Variants in RNGTT observed in about 807,000 individuals in gnomAD.
The protein encoded by RNGTT is RNA guanylyltransferase and 5'-phosphatase.
Under a neutral mutation model 79.3 loss-of-function variants are expected in RNGTT, and 33 were observed. The observed-to-expected ratio is 0.42, with a 90% confidence interval of 0.32 to 0.56. The LOEUF (loss-of-function observed/expected upper bound fraction) is 0.56, where lower values mean the gene tolerates loss of function less well. Ranked by LOEUF, RNGTT falls within the 20% of genes least tolerant of loss-of-function variation. The pLI is 0.17. For synonymous variants in RNGTT, 222 were observed against 235.9 expected (o/e 0.94, Z 0.54); for missense variants, 497 against 739.1 (o/e 0.67, Z 3.80).
intron 14 of RNGTT, among the ~76,000 whole-genome samples, chr6:88,658,023 C>T (rs1387243261): frequency 6.6e-6 from 1 of 152,098 alleles, no homozygotes; most frequent in Non-Finnish European, 1.5e-5. Flanking sequence ...TCTATGACCC[C>T]GCGATCACCT....
At chr6:88,853,349 C>A (rs1381040123) in intron 9 of RNGTT, among the ~76,000 whole-genome samples, 2 of 151,532 alleles carry the variant, frequency 1.3e-5, no homozygotes, top group Non-Finnish European at 3.0e-5. Context: ...TACTAAAAAT[C>A]CAAAAATTAG....
chr6:88,775,770 C>T (rs1280322367), intron 12 of RNGTT, among the ~76,000 whole-genome samples: 2 of 152,042 alleles, frequency 1.3e-5, no homozygotes, highest in Non-Finnish European at 2.9e-5. Context: ...TTTGAGATTC[C>T]ACATGTAAGT....
chr6:88,771,350 T>TATATATAC (rs376503141), intron 12 of RNGTT, among the ~76,000 whole-genome samples: 132 of 116,162 alleles, frequency 1.1e-3, no homozygotes, highest in African/African-American at 2.9e-3. Flanking sequence ...TATATATATA[T>TATATATAC]ACACACACAC....
At chr6:88,775,019 T>C (rs1562246382) in intron 12 of RNGTT, among the ~76,000 whole-genome samples, 1 of 152,204 alleles carries the variant, frequency 6.6e-6, no homozygotes, top group Non-Finnish European at 1.5e-5. Flanking sequence ...TATGTAAATA[T>C]AAATAAATCA....
intron 8 of RNGTT, among the ~76,000 whole-genome samples, chr6:88,869,885 C>T (rs1446368423): frequency 6.6e-6 from 1 of 152,116 alleles, no homozygotes; most frequent in Non-Finnish European, 1.5e-5. Flanking sequence ...TTATATCCTG[C>T]AACTCTAGCC....
In RNGTT at chr6:88,622,098, T is replaced by C. The variant is rs56140910; in HGVS notation, c.1507-7703A>G. Among the ~76,000 whole-genome samples the C allele has an allele frequency of 5.1e-3, 771 of 152,330 alleles. 7 individuals carry two copies. Among genetic ancestry groups the C allele is most frequent in the African/African-American group, 0.017 (726 of 41,584 alleles). On this transcript the variant is annotated intron_variant, in intron 14 of 15. Transcript: ENST00000369485. ...TCCTCAGAACACTTATTCTATTTTA[T>C]GGAATACAGTGTTGCCCGATTCTAG...
At chr6:88,898,256 T>G (rs910587869) in intron 6 of RNGTT, among the ~76,000 whole-genome samples, 1 of 152,200 alleles carries the variant, frequency 6.6e-6, no homozygotes, top group African/African-American at 2.4e-5. Context: ...ATAAATACTT[T>G]CCGTCCTTAT....
At chr6:88,787,387 G>A (rs765758818) in intron 12 of RNGTT, among the ~76,000 whole-genome samples, 12 of 152,094 alleles carry the variant, frequency 7.9e-5, no homozygotes, top group Non-Finnish European at 1.8e-4. Flanking sequence ...TGGGCCAGGC[G>A]TGGTGGCTCA....
rs909140600 is a variant in RNGTT, at chr6:88,844,476, T to C, written c.1150A>G (p.Ile384Val). 1 of 1,613,782 alleles carries C rather than the reference T, an allele frequency of 6.2e-7. No homozygotes were observed. Among genetic ancestry groups the C allele is most frequent in the South Asian group, 1.1e-5 (1 of 90,974 alleles). The stretch of plus-strand genomic sequence containing the variant: ...CGAGGACTTATAATTTCTCGTTCTA[T>C]ACACTGCAGACGAACATTAAAATCA... ...DCDFNVRLQC[I>V]EREIISPRHE... The change falls in exon 11 of 16, where the codon ATA becomes GTA. Residue 384 changes from isoleucine (I) to valine (V), a missense_variant. Coordinates refer to ENST00000369485, the MANE Select transcript of RNGTT (RefSeq NM_003800.5).
intron 8 of RNGTT, among the ~76,000 whole-genome samples, chr6:88,855,359 A>C (rs977181906): frequency 6.6e-6 from 1 of 152,200 alleles, no homozygotes; most frequent in African/African-American, 2.4e-5. Context: ...ATAGGTGAGG[A>C]GAAATAGGAG....
intron 4 of RNGTT, among the ~76,000 whole-genome samples, chr6:88,915,369 G>A (rs1172201894): frequency 6.6e-6 from 1 of 152,106 alleles, no homozygotes; most frequent in Non-Finnish European, 1.5e-5. Context: ...ATTAACCTAG[G>A]TGTCCATCAA....
At chr6:88,833,448 G>A (rs1382484531) in intron 11 of RNGTT, among the ~76,000 whole-genome samples, 6 of 152,174 alleles carry the variant, frequency 3.9e-5, no homozygotes, top group African/African-American at 1.4e-4. Flanking sequence ...GGGAGGGATA[G>A]CATTAGGAGA....
chr6:88,633,628 GT>G (rs1296178614), intron 14 of RNGTT, among the ~76,000 whole-genome samples: 1 of 150,806 alleles, frequency 6.6e-6, no homozygotes, highest in South Asian at 2.1e-4. Flanking sequence ...CAACTAAAAT[GT>G]TTTTTTTTAA....
chr6:88,906,449 TA>T lies in RNGTT; in HGVS notation c.368-10del. On this transcript the variant is annotated splice_polypyrimidine_tract_variant and intron_variant, in intron 4 of 15. Coordinates refer to ENST00000369485, the MANE Select transcript of RNGTT (RefSeq NM_003800.5). Reference sequence around the variant, plus strand: ...ATGAGTACAATGAACACCTAGAAAATAAAGTAGCTTTGGTTAAAATTAACAA... The same window carrying T: ...ATGAGTACAATGAACACCTAGAAAATAAGTAGCTTTGGTTAAAATTAACAA... 1 of 1,562,376 alleles carries T rather than the reference TA, an allele frequency of 6.4e-7. No homozygotes were observed. Among genetic ancestry groups the T allele is most frequent in the Non-Finnish European group, 8.7e-7 (1 of 1,155,990 alleles).
intron 13 of RNGTT, among the ~76,000 whole-genome samples, chr6:88,743,687 T>G (rs943061488): frequency 2.0e-5 from 3 of 152,240 alleles, no homozygotes; most frequent in African/African-American, 7.2e-5. Context: ...TTCTATTGTA[T>G]GTATATACCA....
At chr6:88,817,490 T>TAA (rs11354100) in intron 11 of RNGTT, among the ~76,000 whole-genome samples, 960 of 44,532 alleles carry the variant, frequency 0.022, 23 homozygotes, top group African/African-American at 0.073. Context: ...AAAAAATAAG[T>TAA]AAAAAAAAAA....
intron 10 of RNGTT, among the ~76,000 whole-genome samples, chr6:88,845,664 G>C (rs1291788246): frequency 2.6e-5 from 4 of 152,148 alleles, no homozygotes; most frequent in Non-Finnish European, 5.9e-5. Context: ...TGCTTAAGGA[G>C]TAAACATTAA....
intron 1 of RNGTT, among the ~76,000 whole-genome samples, chr6:88,948,710 G>C (rs1785121694): frequency 8.4e-6 from 1 of 118,834 alleles, no homozygotes; most frequent in African/African-American, 3.2e-5. Context: ...TCGGATGGTT[G>C]CCGTGTCTGT....
At chr6:88,921,875 A>G (rs985567099) in intron 4 of RNGTT, among the ~76,000 whole-genome samples, 2 of 152,148 alleles carry the variant, frequency 1.3e-5, no homozygotes, top group African/African-American at 4.8e-5. Context: ...ATTAGGTATT[A>G]TAAGTAATAC....
Sources: gnomAD v4.1 joint callset for allele counts (sites outside exome capture counted in the v4.1 genomes callset) on GRCh38, gnomAD v4.1.1 for gene constraint, MANE v1.5 for transcripts, NCBI Gene and HGNC (gene_info 2026-07-23, HGNC 2026-07-21) for gene names.